The following DIP2B variants were observed in gnomAD, a reference collection of about 807,000 sequenced individuals.
The protein encoded by DIP2B is DIP2 acetate--CoA ligase B (putative), also known as disco-interacting protein 2 homolog B.
Under a neutral mutation model 198.0 loss-of-function variants are expected in DIP2B, and 76 were observed. The observed-to-expected ratio is 0.38, with a 90% CI of 0.32 to 0.46. DIP2B has a LOEUF of 0.46. DIP2B is among the 20% of genes least tolerant of loss of function. DIP2B has a pLI of 0.99. For synonymous variants in DIP2B, 701 were observed against 739.1 expected (o/e 0.95, Z 0.84); for missense variants, 1,559 against 1,978.4 (o/e 0.79, Z 4.02).
At chr12:50,742,135 C>T (rs1360290113) in intron 37 of DIP2B, among the ~76,000 whole-genome samples, 1 of 152,066 alleles carries the variant, frequency 6.6e-6, no homozygotes, top group Non-Finnish European at 1.5e-5. Context: ...CAGTGGCTCA[C>T]ATCTATAATC....
At chr12:50,547,266 TTGAA>T (rs1372468688) in intron 1 of DIP2B, among the ~76,000 whole-genome samples, 3 of 152,216 alleles carry the variant, frequency 2.0e-5, no homozygotes, top group Admixed American at 1.3e-4. Context: ...TGGGAAGTAA[TTGAA>T]TGATGACTGT....
intron 12 of DIP2B, among the ~76,000 whole-genome samples, chr12:50,687,119 G>A (rs1939145328): frequency 6.6e-6 from 1 of 152,212 alleles, no homozygotes; most frequent in African/African-American, 2.4e-5. Flanking sequence ...GTTTGATATT[G>A]AGGTTGGTAT....
chr12:50,741,429 A>G lies in DIP2B; in HGVS notation c.4368A>G (p.Ala1456=), dbSNP rs761956986. ...LTAATGERHD[A]LYVVGALDET... ...TCTTTCTGTCAGAGCGTCATGATGC[A>G]TTGTATGTGGTGGGAGCGCTGGATG... is the stretch of plus-strand genomic sequence containing the variant. Residue 1456 remains alanine (A), a synonymous_variant, in exon 37 of 38, where the codon GCA becomes GCG. Transcript: ENST00000301180. 5 of 1,613,874 alleles carry G rather than the reference A, an allele frequency of 3.1e-6. No individual in the cohort carries two copies. The African/African-American group carries it at 6.7e-5, about 22-fold the overall frequency.
chr12:50,672,516 G>GGA (rs1412626156), intron 5 of DIP2B, among the ~76,000 whole-genome samples: 6 of 152,152 alleles, frequency 3.9e-5, no homozygotes. Flanking sequence ...CTAATACCCA[G>GGA]TTAACTTTTA....
chr12:50,728,615 G>A lies in DIP2B; in HGVS notation c.3578G>A (p.Arg1193Gln), dbSNP rs748825270. The change falls in exon 30 of 38, where the codon CGG becomes CAG. Residue 1193 changes from arginine (R) to glutamine (Q), a missense_variant. Physicochemically the swap from Arg to Gln is conservative, Grantham distance 43. Coordinates refer to ENST00000301180, the MANE Select transcript of DIP2B (RefSeq NM_173602.3). ...CTCCAGTGTGAGTTGTACTCTTCTC[G>A]GCAGATCGCCATCTGCCTTGACCCT... Reference protein sequence around the residue: ...IKLQCELYSSRQIAICLDPYC... With the variant: ...IKLQCELYSSQQIAICLDPYC... 3.1e-6 allele frequency: 5 copies of A among 1,614,078 alleles called. No individual in the cohort carries two copies. The highest frequency in any genetic ancestry group is 1.7e-5 in the Admixed American group (1 of 60,016).
chr12:50,549,903 A>G (rs951079405), intron 1 of DIP2B, among the ~76,000 whole-genome samples: 4 of 152,062 alleles, frequency 2.6e-5, no homozygotes, highest in Admixed American at 6.6e-5. Flanking sequence ...AGTTCCTTAT[A>G]TAACTAAGGA....
chr12:50,695,368 C>T lies in DIP2B; in HGVS notation c.1813+8C>T. On this transcript the variant is annotated splice_region_variant and intron_variant, in intron 15 of 37. Coordinates refer to ENST00000301180, the MANE Select transcript of DIP2B (RefSeq NM_173602.3). ...GAGTACATGCTCACAAAGGTAGTCA[C>T]CTGCAACATCTGAGCTTTAATTATG... 1 of 1,603,184 alleles carries T rather than the reference C, an allele frequency of 6.2e-7. No individual in the cohort carries two copies. The highest frequency in any genetic ancestry group is 8.5e-7 in the Non-Finnish European group (1 of 1,172,504).
At chr12:50,656,774 G>A (rs1047964084) in intron 3 of DIP2B, among the ~76,000 whole-genome samples, 1 of 152,026 alleles carries the variant, frequency 6.6e-6, no homozygotes, top group Non-Finnish European at 1.5e-5. Flanking sequence ...GTTTTGCCAC[G>A]TTGGTCAGGC....
chr12:50,602,590 C>T (rs959595062), intron 1 of DIP2B, among the ~76,000 whole-genome samples: 54 of 152,236 alleles, frequency 3.5e-4, no homozygotes, highest in African/African-American at 9.1e-4. Context: ...GGGCTGGGTG[C>T]GGTGGCTCAC....
rs1451225798 is a variant in DIP2B, at chr12:50,535,391, CAG to C, written c.100+30154_100+30155del. Among the ~76,000 whole-genome samples the C allele has an allele frequency of 5.1e-3, 690 of 134,640 alleles. 8 individuals are homozygous for C. Among genetic ancestry groups the C allele is most frequent in the African/African-American group, 0.018 (652 of 35,852 alleles). The allele number at this position is 134,640 out of a possible 152,430, so 88.3% of individuals were successfully genotyped here. ...AAATTTTTTTTTTTTTTTTTTGAAACAGAGTCTCGCTGTCACCCAGGCTGGAG... is the reference window on the plus strand; with the variant it reads ...AAATTTTTTTTTTTTTTTTTTGAAACAGTCTCGCTGTCACCCAGGCTGGAG... On this transcript the variant is annotated intron_variant, in intron 1 of 37. Coordinates refer to ENST00000301180, the MANE Select transcript of DIP2B (RefSeq NM_173602.3).
chr12:50,710,847 T>A (rs1308898622), intron 22 of DIP2B, among the ~76,000 whole-genome samples: 1 of 152,168 alleles, frequency 6.6e-6, no homozygotes, highest in Non-Finnish European at 1.5e-5. Context: ...GATAGACTAG[T>A]CAGGAAAGAC....
intron 5 of DIP2B, among the ~76,000 whole-genome samples, chr12:50,674,200 G>T (rs992205870): frequency 6.6e-6 from 1 of 152,154 alleles, no homozygotes; most frequent in Non-Finnish European, 1.5e-5. Context: ...TGTAGAAAAT[G>T]ATGTTTTGAG....
intron 1 of DIP2B, among the ~76,000 whole-genome samples, chr12:50,592,634 C>T (rs1020355565): frequency 2.0e-5 from 3 of 151,988 alleles, no homozygotes; most frequent in Non-Finnish European, 4.4e-5. Flanking sequence ...CACGCCACTA[C>T]GCCTGGCTAA....
intron 1 of DIP2B, among the ~76,000 whole-genome samples, chr12:50,549,296 G>A (rs867851525): frequency 2.0e-5 from 3 of 151,878 alleles, no homozygotes; most frequent in South Asian, 2.1e-4. Flanking sequence ...GTGAAACCCC[G>A]TCTCTACTAA....
At chr12:50,538,838 T>C in intron 1 of DIP2B, among the ~76,000 whole-genome samples, 1 of 152,154 alleles carries the variant, frequency 6.6e-6, no homozygotes, top group East Asian at 1.9e-4. Context: ...ACATAGTATT[T>C]TATTACCAAA....
intron 1 of DIP2B, among the ~76,000 whole-genome samples, chr12:50,621,967 T>C (rs774805145): frequency 1.3e-5 from 2 of 152,218 alleles, no homozygotes; most frequent in African/African-American, 2.4e-5. Flanking sequence ...ATATCCAGGA[T>C]GCCAAATCTA....
chr12:50,619,952 TCAGGAGGCTGAGG>T (rs1209094507), intron 1 of DIP2B, among the ~76,000 whole-genome samples: 1 of 152,142 alleles, frequency 6.6e-6, no homozygotes, highest in East Asian at 1.9e-4. Flanking sequence ...TCCCAGATAC[TCAGGAGGCTGAGG>T]CAGGAGGGTC....
intron 35 of DIP2B, among the ~76,000 whole-genome samples, chr12:50,738,145 T>C (rs569946291): frequency 1.3e-5 from 2 of 151,706 alleles, no homozygotes; most frequent in Admixed American, 1.3e-4. Context: ...ATCGAGACCA[T>C]CCTGGCCAAC....
chr12:50,608,350 G>A lies in DIP2B; in HGVS notation c.101-17626G>A, dbSNP rs559240117. 2.0e-5 allele frequency among the ~76,000 whole-genome samples: 3 copies of A among 152,150 alleles called. No individual in the cohort carries two copies. The East Asian group carries it at 5.8e-4, about 29-fold the overall frequency. On this transcript the variant is annotated intron_variant, in intron 1 of 37. Coordinates refer to ENST00000301180, the MANE Select transcript of DIP2B (RefSeq NM_173602.3). ...TATCAGAAATAGTAACACTAGGTGC[G>A]GTGGGTCACACCTGTAATCCCAGCA... is the stretch of plus-strand genomic sequence containing the variant.
Sources: allele counts gnomAD v4.1 joint callset (sites outside exome capture counted in the v4.1 genomes callset), GRCh38; gene constraint gnomAD v4.1.1; transcripts MANE v1.5; gene names NCBI Gene and HGNC (gene_info 2026-07-23, HGNC 2026-07-21).